The following SPAST variants were observed in gnomAD, a reference collection of about 807,000 sequenced individuals.
SPAST encodes the protein spastin.
SPAST carries 30 observed loss-of-function variants against 76.6 expected under a neutral mutation model. The ratio of observed to expected loss-of-function variants is 0.39; its 90% CI spans 0.29 to 0.53. The LOEUF is 0.53. Ranked by LOEUF, SPAST falls within the 20% of genes least tolerant of loss-of-function variation. The pLI is 0.68. For missense variants in SPAST, 717 were observed against 770.5 expected (o/e 0.93, Z 0.82); for synonymous variants, 305 against 281.0 (o/e 1.09, Z -0.86).
intron 3 of SPAST, among the ~76,000 whole-genome samples, chr2:32,091,464 A>C (rs1470078854): frequency 6.7e-6 from 1 of 150,312 alleles, no homozygotes; most frequent in Non-Finnish European, 1.5e-5. Context: ...TTTAGTAGGG[A>C]CGGGGTTTCA....
Position 32,087,506 on chromosome 2 carries a change from C to A in SPAST, c.430C>A (p.Gln144Lys). The A allele has an allele frequency of 6.2e-7, 1 of 1,603,490 alleles. No homozygotes were observed. Among genetic ancestry groups the A allele is most frequent in the East Asian group, 2.2e-5 (1 of 44,604 alleles). ...DEDEKAGQKEQAVEWYKKGIE... is the reference protein window; with the variant it reads ...DEDEKAGQKEKAVEWYKKGIE... ...TTATTTTAAAGCAGGACAGAAGGAG[C>A]AAGCTGTGGAATGGTATAAGAAAGG... Residue 144 changes from glutamine to lysine, a missense_variant, in exon 2 of 17, where the codon CAA becomes AAA. Gln to Lys is a moderately conservative substitution (Grantham distance 53). Coordinates refer to ENST00000315285, the MANE Select transcript of SPAST (RefSeq NM_014946.4).
rs192171777 is a variant in SPAST at position 32,080,944 on chromosome 2, G to A, written c.416-6548G>A. Among the ~76,000 whole-genome samples the A allele has an allele frequency of 4.5e-3, 677 of 151,194 alleles. 3 individuals carry two copies. The highest frequency in any genetic ancestry group is 6.8e-3 in the Non-Finnish European group (461 of 67,796). Reference sequence around the variant, plus strand: ...AGAGTAGCTAGGACTACAGGCACGTGCCACCACATCTGGCTAATTTTTTTT... The same window carrying A: ...AGAGTAGCTAGGACTACAGGCACGTACCACCACATCTGGCTAATTTTTTTT... On this transcript the variant is annotated intron_variant, in intron 1 of 16. Transcript: ENST00000315285.
chr2:32,098,851 C>T lies in SPAST; in HGVS notation c.642C>T (p.Asp214=). ...FSKSQTDVYN[D]STNLACRNGH... ...AGTCACAAACGGACGTCTATAATGA[C>T]AGTACTAACTTGGCATGCCGCAATG... The change falls in exon 4 of 17, where the codon GAC becomes GAT. Residue 214 remains aspartate, a synonymous_variant. Transcript: ENST00000315285. 2.5e-6 allele frequency: 4 copies of T among 1,613,766 alleles called. No homozygotes were observed. The highest frequency in any genetic ancestry group is 1.1e-5 in the South Asian group (1 of 91,078).
chr2:32,086,103 A>G (rs903688165), intron 1 of SPAST, among the ~76,000 whole-genome samples: 18 of 152,066 alleles, frequency 1.2e-4, no homozygotes, highest in African/African-American at 2.4e-4. Context: ...TCATTGTATT[A>G]TATTGATTTT....
At chr2:32,146,091 T>C (rs1349753911) in intron 15 of SPAST, among the ~76,000 whole-genome samples, 1 of 152,184 alleles carries the variant, frequency 6.6e-6, no homozygotes, top group African/African-American at 2.4e-5. Context: ...ATCTTGAGAG[T>C]ATATTTTGAA....
chr2:32,119,359 C>T (rs960401567), intron 7 of SPAST, among the ~76,000 whole-genome samples: 1 of 152,120 alleles, frequency 6.6e-6, no homozygotes, highest in African/African-American at 2.4e-5. Flanking sequence ...AGGAAGCTTG[C>T]ATAGACCACA....
At chr2:32,076,769 C>T (rs1173014579) in intron 1 of SPAST, among the ~76,000 whole-genome samples, 1 of 151,948 alleles carries the variant, frequency 6.6e-6, no homozygotes, top group African/African-American at 2.4e-5. Context: ...TATATGTTGC[C>T]TAGGCTGGAC....
At chr2:32,110,570 AGTATATATATAGTGTATATATC>A (rs1176005138) in intron 4 of SPAST, among the ~76,000 whole-genome samples, 1 of 124,600 alleles carries the variant, frequency 8.0e-6, no homozygotes, top group Admixed American at 8.6e-5. Flanking sequence ...GTGTATATAT[AGTATATATATAGTGTATATATC>A]GTATATACAC....
At chr2:32,142,112 C>T (rs1173865869) in intron 13 of SPAST, among the ~76,000 whole-genome samples, 166 bp downstream of exon 13, 2 of 152,066 alleles carry the variant, frequency 1.3e-5, no homozygotes, top group Non-Finnish European at 2.9e-5. Flanking sequence ...AATTTCACTC[C>T]TAAGAATTTA....
rs570673065 is a variant in SPAST at position 32,098,447 on chromosome 2, G to C, written c.587-349G>C. Among the ~76,000 whole-genome samples, 13 of 152,260 alleles carry C rather than the reference G, an allele frequency of 8.5e-5. No homozygotes were observed. In the East Asian group the frequency reaches 2.3e-3, roughly 27 times the overall value. ...ACTGTACTTCAGCCTGGGTGACAGA[G>C]CAAGACCAAGACCGATAATTATCTC... On this transcript the variant is annotated intron_variant, in intron 3 of 16. Coordinates refer to ENST00000315285, the MANE Select transcript of SPAST (RefSeq NM_014946.4).
chr2:32,136,679 A>G, intron 10 of SPAST, 41 bp downstream of exon 10: 2 of 1,492,336 alleles, frequency 1.3e-6, no homozygotes, highest in Non-Finnish European at 1.9e-6. Context: ...ACTATTTGTG[A>G]AATTTCCCTC....
At chr2:32,144,556 T>C (rs901247115) in intron 14 of SPAST, among the ~76,000 whole-genome samples, 1 of 152,170 alleles carries the variant, frequency 6.6e-6, no homozygotes, top group African/African-American at 2.4e-5. Flanking sequence ...TTTACTCTTA[T>C]TATATGGAGA....
At chr2:32,080,649 G>C (rs1312313869) in intron 1 of SPAST, among the ~76,000 whole-genome samples, 1 of 152,124 alleles carries the variant, frequency 6.6e-6, no homozygotes, top group Non-Finnish European at 1.5e-5. Context: ...ACCATTGGAA[G>C]ATTGGATTTT....
intron 9 of SPAST, chr2:32,129,445 C>T (rs75751356): frequency 0.021 from 3,242 of 152,200 alleles, 41 homozygotes; most frequent in Non-Finnish European, 0.027. Flanking sequence ...TTTTTCCATT[C>T]ACCCTCTGCT....
chr2:32,103,250 G>A (rs1177296724), intron 4 of SPAST, among the ~76,000 whole-genome samples: 8 of 152,158 alleles, frequency 5.3e-5, no homozygotes, highest in African/African-American at 1.7e-4. Context: ...TAGTTTATTT[G>A]AGTAGAGGTG....
chr2:32,083,772 ATATATT>A (rs1342430398), intron 1 of SPAST, among the ~76,000 whole-genome samples: 19 of 51,174 alleles, frequency 3.7e-4, no homozygotes, highest in African/African-American at 1.0e-3. Context: ...ATATATATAT[ATATATT>A]TTTTTTTTTT....
At chr2:32,139,608 A>C (rs1373101539) in intron 12 of SPAST, among the ~76,000 whole-genome samples, 2 of 152,012 alleles carry the variant, frequency 1.3e-5, no homozygotes, top group African/African-American at 4.8e-5. Context: ...CAGGTGGATC[A>C]CCTGAGGTCA....
At chr2:32,137,043 A>G (rs1013366015) in intron 11 of SPAST, 66 bp from the exon 12 acceptor site, 1 of 1,545,364 alleles carries the variant, frequency 6.5e-7, no homozygotes, top group Non-Finnish European at 8.9e-7. Context: ...AAGGTTAAAA[A>G]TACAAATATC....
At chr2:32,150,312 G>C (rs181341688) in intron 16 of SPAST, among the ~76,000 whole-genome samples, 1 of 142,426 alleles carries the variant, frequency 7.0e-6, no homozygotes, top group Non-Finnish European at 1.5e-5. Context: ...GGATGGTCTC[G>C]ATCTCCTGAC....
Sources: allele counts gnomAD v4.1 joint callset (sites outside exome capture counted in the v4.1 genomes callset), GRCh38; gene constraint gnomAD v4.1.1; transcripts MANE v1.5; gene names NCBI Gene and HGNC (gene_info 2026-07-23, HGNC 2026-07-21).